Variants in PCDHA9 observed in about 807,000 individuals in gnomAD.
The protein encoded by PCDHA9 is protocadherin alpha-9.
In PCDHA9, 62 loss-of-function variants were observed where a neutral mutation model predicts 62.0. The observed-to-expected ratio is 1.00, with a 90% CI of 0.81 to 1.23. The LOEUF (loss-of-function observed/expected upper bound fraction) is 1.23. Among genes scored for constraint, PCDHA9 ranks in the 50% most tolerant of loss-of-function variants. The pLI, the probability that PCDHA9 is intolerant of heterozygous loss-of-function variation, is 0.00. For synonymous variants in PCDHA9, 557 were observed against 567.6 expected, an observed-to-expected ratio of 0.98 and a Z score of 0.27; for missense variants, 1,205 against 1,249.8, an observed-to-expected ratio of 0.96 and a Z score of 0.54.
intron 1 of PCDHA9, chr5:140,882,142 G>T: frequency 1.3e-6 from 2 of 1,488,266 alleles, no homozygotes; most frequent in Non-Finnish European, 1.8e-6. Flanking sequence ...AGAAAATATA[G>T]CAGAAAGCGG....
rs568088223 is a variant in PCDHA9, at chr5:140,879,577, G to T, written c.2394+28688G>T. ...ATCCATGAAAGAATAAAATTGCCAA[G>T]ACAGACATTGAAAAGTGAAAAACAA... is the stretch of plus-strand genomic sequence containing the variant. On this transcript the variant is annotated intron_variant, in intron 1 of 3. Transcript: ENST00000532602. Among the ~76,000 whole-genome samples, 5 of 152,302 alleles carry T rather than the reference G, an allele frequency of 3.3e-5. No homozygotes were observed. In the South Asian group the frequency reaches 1.0e-3, roughly 32 times the overall value.
At chr5:140,869,418 C>T in intron 1 of PCDHA9, 2 of 1,614,174 alleles carry the variant, frequency 1.2e-6, no homozygotes, top group Middle Eastern at 1.6e-4. Context: ...GCAGCATCCA[C>T]CTGGAGGTGA....
intron 1 of PCDHA9, chr5:140,928,490 CT>C: frequency 1.2e-6 from 2 of 1,614,150 alleles, no homozygotes; most frequent in Non-Finnish European, 1.7e-6. Context: ...GGTGGCATTC[CT>C]CCCAGAAGTG....
chr5:140,927,611 C>T, intron 1 of PCDHA9: 1 of 1,614,164 alleles, frequency 6.2e-7, no homozygotes, highest in Admixed American at 1.7e-5. Context: ...GTATACCGCA[C>T]CAAGGTTCCA....
At chr5:140,923,266 T>C (rs184590818) in intron 1 of PCDHA9, among the ~76,000 whole-genome samples, 1 of 152,284 alleles carries the variant, frequency 6.6e-6, no homozygotes, top group African/African-American at 2.4e-5. Context: ...TAGTGAGACC[T>C]TGTCTCTACA....
intron 1 of PCDHA9, among the ~76,000 whole-genome samples, chr5:140,916,214 C>A (rs1294292456): frequency 6.6e-6 from 1 of 152,266 alleles, no homozygotes; most frequent in African/African-American, 2.4e-5. Flanking sequence ...TGGGGAAGAT[C>A]CAAATATGCT....
rs1290626143 is a variant in PCDHA9 at position 141,010,228 on chromosome 5, C to G, written c.*291C>G. On this transcript the variant is annotated 3_prime_UTR_variant, in exon 4 of 4. Transcript: ENST00000532602. ...CCGCAAAGGAGAGGCTTCCCAGCCC[C>G]GCCAGTGAGAGGTTGGACTCTCTGC... The G allele has an allele frequency of 1.1e-5, 17 of 1,551,916 alleles. No individual in the cohort carries two copies. Among genetic ancestry groups the G allele is most frequent in the Non-Finnish European group, 1.5e-5 (17 of 1,147,054 alleles).
intron 1 of PCDHA9, chr5:140,866,411 A>G (rs2049340937): frequency 6.6e-6 from 1 of 152,118 alleles, no homozygotes; most frequent in African/African-American, 2.4e-5. Context: ...GAAAATCTTC[A>G]AATGTGTGTA....
intron 1 of PCDHA9, among the ~76,000 whole-genome samples, chr5:140,887,340 CCT>C (rs1554183026): frequency 1.3e-5 from 2 of 152,144 alleles, no homozygotes; most frequent in African/African-American, 4.8e-5. Flanking sequence ...TCGTGATCCA[CCT>C]GGCTCGGCCT....
chr5:140,894,138 T>A (rs1224822611), intron 1 of PCDHA9, among the ~76,000 whole-genome samples: 2 of 152,112 alleles, frequency 1.3e-5, no homozygotes, highest in Non-Finnish European at 2.9e-5. Flanking sequence ...TTGAAATAAT[T>A]CCCTTCTATG....
chr5:140,929,440 CCTT>C, intron 1 of PCDHA9: 2 of 1,448,524 alleles, frequency 1.4e-6, no homozygotes, highest in Non-Finnish European at 1.8e-6. Flanking sequence ...ACTAAACACT[CCTT>C]CTTAGCACTT....
At chr5:140,884,493 C>T (rs782633321) in intron 1 of PCDHA9, 2 of 1,614,038 alleles carry the variant, frequency 1.2e-6, no homozygotes, top group African/African-American at 1.3e-5. Flanking sequence ...CTAGTGTGCT[C>T]CAGCGCGGCA....
chr5:140,861,529 A>G, intron 1 of PCDHA9: 1 of 450,984 alleles, frequency 2.2e-6, no homozygotes, highest in Non-Finnish European at 4.6e-6. Flanking sequence ...AGGATCTCGG[A>G]GTGCAGCATC....
intron 3 of PCDHA9, among the ~76,000 whole-genome samples, chr5:141,008,567 T>C (rs1171779674): frequency 1.3e-5 from 2 of 152,182 alleles, no homozygotes; most frequent in African/African-American, 4.8e-5. Flanking sequence ...TGCATAATCA[T>C]TTTCCCAAGA....
chr5:140,946,807 A>G (rs1333101378), intron 1 of PCDHA9, among the ~76,000 whole-genome samples: 3 of 151,418 alleles, frequency 2.0e-5, no homozygotes, highest in Non-Finnish European at 4.4e-5. Context: ...CAGAGAGTAT[A>G]ACAGTGATTA....
chr5:140,949,012 A>G (rs1029892336), intron 1 of PCDHA9, among the ~76,000 whole-genome samples: 11 of 151,632 alleles, frequency 7.3e-5, no homozygotes, highest in African/African-American at 2.7e-4. Flanking sequence ...TTTATATGTG[A>G]TGTTTTTATT....
rs376697527 is a variant in PCDHA9, at chr5:140,912,219, T to G, written c.2394+61330T>G. ...CCCAGATTGAGGGTAGATCTGCCTT[T>G]CCCAGTCCACTGACTCAAATGTTAA... On this transcript the variant is annotated intron_variant, in intron 1 of 3. Transcript: ENST00000532602. 4.3e-4 allele frequency among the ~76,000 whole-genome samples: 66 copies of G among 152,026 alleles called. 1 individual carries two copies. In the South Asian group the frequency reaches 0.013, roughly 30 times the overall value.
In PCDHA9 at chr5:140,851,081, A is replaced by C. The variant is rs1259623632; in HGVS notation, c.2394+192A>C. 1.0e-5 allele frequency: 13 copies of C among 1,303,686 alleles called. No individual in the cohort carries two copies. In the East Asian group the frequency reaches 3.5e-4, roughly 35 times the overall value. 80.8% of individuals were successfully genotyped at this position (1,303,686 alleles called of 1,614,324 possible). Reference sequence around the variant, plus strand: ...ACTTCTAGTGAGAATTATAAACTGTATATTAAATAGATATTTTTTGGGTGC... The same window carrying C: ...ACTTCTAGTGAGAATTATAAACTGTCTATTAAATAGATATTTTTTGGGTGC... On this transcript the variant is annotated intron_variant, in intron 1 of 3. Transcript: ENST00000532602.
intron 1 of PCDHA9, among the ~76,000 whole-genome samples, chr5:140,913,400 C>T (rs2076319870): frequency 6.6e-6 from 1 of 152,108 alleles, no homozygotes; most frequent in South Asian, 2.1e-4. Context: ...CACTAATGAT[C>T]CTTTGAATTC....
Sources: gnomAD v4.1 joint callset for allele counts (sites outside exome capture counted in the v4.1 genomes callset) on GRCh38, gnomAD v4.1.1 for gene constraint, MANE v1.5 for transcripts, NCBI Gene and HGNC (gene_info 2026-07-23, HGNC 2026-07-21) for gene names.